The following ESR1 variants were observed in gnomAD, a reference collection of about 807,000 sequenced individuals.
ESR1 encodes the protein estrogen receptor 1, also known as estrogen receptor.
ESR1 carries 12 observed loss-of-function variants against 52.7 expected under a neutral mutation model. That is an observed-to-expected ratio of 0.23 (90% CI 0.15 to 0.37). ESR1 has a LOEUF of 0.37. Among genes scored for constraint, ESR1 ranks in the 10% least tolerant of loss-of-function variants. The pLI is 1.00. For missense variants in ESR1, 584 were observed against 779.7 expected, an observed-to-expected ratio of 0.75 and a Z score of 2.99; for synonymous variants, 305 against 316.8, an observed-to-expected ratio of 0.96 and a Z score of 0.39.
At chr6:152,080,481 C>G (rs552945120) in intron 6 of ESR1, among the ~76,000 whole-genome samples, 1 of 152,270 alleles carries the variant, frequency 6.6e-6, no homozygotes, top group South Asian at 2.1e-4. Context: ...CCAGGCCTGC[C>G]TTAGAAGAGC....
At position 152,011,685 on chromosome 6, in the gene ESR1, G is replaced by A. The variant is rs749998243; in HGVS notation, c.1126G>A (p.Val376Ile). ...GFVDLTLHDQ[V>I]HLLECAWLEI... is the part of the protein sequence containing the mutation. ...TGTGGATTTGACCCTCCATGATCAG[G>A]TCCACCTTCTAGAATGTGCCTGGCT... Residue 376 changes from valine (V) to isoleucine (I), a missense_variant, in exon 5 of 8, where the codon GTC becomes ATC. By Grantham distance (29) the Val-to-Ile change is conservative. Transcript: ENST00000206249. 6.2e-7 allele frequency: 1 copy of A among 1,613,090 alleles called. No homozygotes were observed. Among genetic ancestry groups the A allele is most frequent in the Non-Finnish European group, 8.5e-7 (1 of 1,179,494 alleles).
At chr6:151,975,019 T>A (rs921318090) in intron 4 of ESR1, among the ~76,000 whole-genome samples, 2 of 152,334 alleles carry the variant, frequency 1.3e-5, no homozygotes, top group Middle Eastern at 3.4e-3. Flanking sequence ...CCTAGATTAC[T>A]CAGGCTGGGT....
chr6:151,825,599 G>A lies in ESR1; in HGVS notation c.453-16998G>A, dbSNP rs1781345858. Among the ~76,000 whole-genome samples the A allele has an allele frequency of 2.0e-5, 3 of 152,128 alleles. No homozygotes were observed. In the South Asian group the frequency reaches 6.2e-4, roughly 32 times the overall value. On this transcript the variant is annotated intron_variant, in intron 1 of 7. Coordinates refer to ENST00000206249, the MANE Select transcript of ESR1 (RefSeq NM_000125.4). ...CGATGGAAGGCATGTTTGGGAGTAA[G>A]AGCCAGAGTGAGGGTTAGAAATGTG...
intron 2 of ESR1, among the ~76,000 whole-genome samples, chr6:151,778,459 G>A (rs144188392): frequency 0.017 from 2,561 of 146,558 alleles, 60 homozygotes; most frequent in African/African-American, 0.061. Flanking sequence ...AGGCTGGATG[G>A]CGGTGGCATG....
chr6:151,722,366 C>T (rs1215580974), intron 2 of ESR1, among the ~76,000 whole-genome samples: 2 of 152,188 alleles, frequency 1.3e-5, no homozygotes, highest in Non-Finnish European at 2.9e-5. Flanking sequence ...TTGAGAAGTC[C>T]CTCATGGAAG....
chr6:151,677,738 G>A (rs1562324055), intron 1 of ESR1, among the ~76,000 whole-genome samples: 1 of 152,116 alleles, frequency 6.6e-6, no homozygotes, highest in East Asian at 1.9e-4. Flanking sequence ...AAATGAACAC[G>A]GCTTTTTTTC....
At chr6:151,809,226 G>A (rs1444608497) in intron 1 of ESR1, 3 of 457,988 alleles carry the variant, frequency 6.6e-6, no homozygotes, top group Middle Eastern at 3.5e-4. Context: ...AAGGAGCGCG[G>A]CCGGTCCAGG....
At chr6:151,766,523 A>G (rs1785065798) in intron 2 of ESR1, among the ~76,000 whole-genome samples, 1 of 152,114 alleles carries the variant, frequency 6.6e-6, no homozygotes, top group Admixed American at 6.5e-5. Context: ...ACAAATAAAA[A>G]TCACACGCCT....
At chr6:151,962,945 G>A (rs1314352998) in intron 4 of ESR1, among the ~76,000 whole-genome samples, 3 of 152,042 alleles carry the variant, frequency 2.0e-5, no homozygotes, top group African/African-American at 7.2e-5. Flanking sequence ...AATAATATAA[G>A]CATATAGTTT....
chr6:151,767,217 T>C (rs779496392), intron 2 of ESR1, among the ~76,000 whole-genome samples: 5 of 152,228 alleles, frequency 3.3e-5, no homozygotes, highest in Non-Finnish European at 5.9e-5. Flanking sequence ...TTCCCTTGCA[T>C]ATAATTTCCA....
chr6:151,772,910 A>G (rs1785632320), intron 2 of ESR1, among the ~76,000 whole-genome samples: 1 of 152,178 alleles, frequency 6.6e-6, no homozygotes, highest in African/African-American at 2.4e-5. Flanking sequence ...ACTATGCCTC[A>G]AATCTACTGC....
At chr6:152,128,906 A>G (rs2054464364) in exon 7 of ESR1, 1 of 152,246 alleles carries the variant, frequency 6.6e-6, no homozygotes, top group African/African-American at 2.4e-5. Context: ...ACGAAGCCCA[A>G]GAATGTTCAA....
intron 1 of ESR1, chr6:151,814,244 A>G (rs949824465): frequency 2.0e-5 from 3 of 152,200 alleles, no homozygotes; most frequent in Admixed American, 2.0e-4. Flanking sequence ...CAATTAAATG[A>G]TGTTAGAAAT....
At chr6:152,103,980 C>CTTTTTTTTTT (rs369261779), downstream of ESR1, among the ~76,000 whole-genome samples, 2 of 93,884 alleles carry the variant, frequency 2.1e-5, no homozygotes, top group Non-Finnish European at 3.9e-5. Flanking sequence ...TTCATTCTAC[C>CTTTTTTTTTT]TTTTTTTTTT....
intron 1 of ESR1, among the ~76,000 whole-genome samples, chr6:151,828,959 G>C (rs2128209334): frequency 6.6e-6 from 1 of 152,252 alleles, no homozygotes; most frequent in East Asian, 1.9e-4. Context: ...GGATAGGAAA[G>C]TCAAGGAAGA....
At chr6:151,796,035 G>A (rs145281146) in intron 2 of ESR1, among the ~76,000 whole-genome samples, 31 of 151,578 alleles carry the variant, frequency 2.0e-4, no homozygotes, top group African/African-American at 6.8e-4. Flanking sequence ...GCATGGTGGC[G>A]GGTGCCTGTA....
intron 4 of ESR1, among the ~76,000 whole-genome samples, chr6:151,968,738 G>A (rs1026066889): frequency 2.6e-5 from 4 of 152,084 alleles, no homozygotes; most frequent in Non-Finnish European, 5.9e-5. Flanking sequence ...TACACTGGGC[G>A]AGCTGATCTG....
At chr6:151,882,763 T>A (rs1484094024) in intron 3 of ESR1, among the ~76,000 whole-genome samples, 2 of 142,426 alleles carry the variant, frequency 1.4e-5, no homozygotes, top group Non-Finnish European at 1.5e-5. Context: ...CCGATTCTGT[T>A]TTTTTTTTTG....
intron 2 of ESR1, among the ~76,000 whole-genome samples, chr6:151,712,686 T>A (rs1780715853): frequency 6.6e-6 from 1 of 152,226 alleles, no homozygotes; most frequent in Non-Finnish European, 1.5e-5. Flanking sequence ...CACATTGATT[T>A]TGTATCCTGA....
Sources: gnomAD v4.1 joint callset for allele counts (sites outside exome capture counted in the v4.1 genomes callset) on GRCh38, gnomAD v4.1.1 for gene constraint, MANE v1.5 for transcripts, NCBI Gene and HGNC (gene_info 2026-07-23, HGNC 2026-07-21) for gene names.